TRIM24: variants seen among roughly 807,000 people sequenced by gnomAD.
The protein encoded by TRIM24 is transcription intermediary factor 1-alpha.
Under a neutral mutation model 123.9 loss-of-function variants are expected in TRIM24, and 29 were observed. That is an observed-to-expected ratio of 0.23 (90% CI 0.17 to 0.32). The LOEUF (loss-of-function observed/expected upper bound fraction) is 0.32. Ranked by LOEUF, TRIM24 falls within the 10% of genes least tolerant of loss-of-function variation. TRIM24 has a pLI of 1.00. For missense variants in TRIM24, 932 were observed against 1,295.3 expected (o/e 0.72, Z 4.31); for synonymous variants, 456 against 461.1 (o/e 0.99, Z 0.14).
intron 2 of TRIM24, chr7:138,514,498 CT>C (rs373398162): frequency 7.9e-5 from 12 of 152,314 alleles, no homozygotes; most frequent in African/African-American, 2.9e-4. Flanking sequence ...TCATACTTAC[CT>C]TCGTTCAGTT....
chr7:138,515,444 T>G, intron 3 of TRIM24, 85 bp downstream of exon 3: 1 of 1,466,876 alleles, frequency 6.8e-7, no homozygotes, highest in Non-Finnish European at 9.3e-7. Context: ...TTGACACATT[T>G]GTTTTGATAA....
chr7:138,483,108 G>A (rs1795565880), intron 1 of TRIM24, among the ~76,000 whole-genome samples: 1 of 151,344 alleles, frequency 6.6e-6, no homozygotes, highest in Non-Finnish European at 1.5e-5. Flanking sequence ...TTGTAGCGGG[G>A]GGGGTCTCAC....
intron 11 of TRIM24, among the ~76,000 whole-genome samples, chr7:138,572,794 T>G (rs994435369): frequency 6.6e-6 from 1 of 152,200 alleles, no homozygotes; most frequent in African/African-American, 2.4e-5. Flanking sequence ...ATGAAAGAAT[T>G]TTTGTGTCTA....
chr7:138,509,790 C>G (rs897034566), intron 2 of TRIM24, among the ~76,000 whole-genome samples: 1 of 150,616 alleles, frequency 6.6e-6, no homozygotes, highest in Non-Finnish European at 1.5e-5. Context: ...AAATACAATT[C>G]TTAAAGTATC....
chr7:138,538,133 C>A (rs140638670), intron 6 of TRIM24, among the ~76,000 whole-genome samples: 1 of 152,208 alleles, frequency 6.6e-6, no homozygotes, highest in African/African-American at 2.4e-5. Context: ...TCTCAATAGA[C>A]AAATAATATG....
At chr7:138,537,332 T>A (rs1796902895) in intron 6 of TRIM24, among the ~76,000 whole-genome samples, 1 of 150,740 alleles carries the variant, frequency 6.6e-6, no homozygotes, top group Non-Finnish European at 1.5e-5. Flanking sequence ...AGACTGGAGC[T>A]GTTCTTATTC....
chr7:138,474,614 A>G (rs1301920483), intron 1 of TRIM24, among the ~76,000 whole-genome samples: 3 of 152,194 alleles, frequency 2.0e-5, no homozygotes, highest in East Asian at 3.8e-4. Flanking sequence ...TCTATGATCC[A>G]TTTTGAGTTA....
chr7:138,505,098 T>A (rs1047862071), intron 2 of TRIM24, among the ~76,000 whole-genome samples: 2 of 152,172 alleles, frequency 1.3e-5, no homozygotes, highest in African/African-American at 2.4e-5. Context: ...CCTAAAATGC[T>A]GGAGATCTCT....
chr7:138,581,672 TCA>T (rs1255333074), intron 16 of TRIM24, 23 bp from the exon 17 acceptor site: 2 of 1,564,374 alleles, frequency 1.3e-6, no homozygotes, highest in African/African-American at 2.7e-5. Flanking sequence ...ATATTTTATC[TCA>T]GTTTTTATTT....
intron 14 of TRIM24, 134 bp downstream of exon 14, chr7:138,577,722 G>C: frequency 1.3e-6 from 1 of 752,648 alleles, no homozygotes; most frequent in Non-Finnish European, 1.9e-6. Context: ...GAATCTCTCA[G>C]TAAATTAAAC....
rs2116691338 is a variant in TRIM24 at position 138,580,555 on chromosome 7, C to T, written c.2586-7C>T. ...TAGGAATTCAAAAGTACATTGTCCCCTAACAGTGGAGAGTGGATTTGCACT... is the reference window on the plus strand; with the variant it reads ...TAGGAATTCAAAAGTACATTGTCCCTTAACAGTGGAGAGTGGATTTGCACT... On this transcript the variant is annotated splice_region_variant and splice_polypyrimidine_tract_variant and intron_variant, in intron 15 of 18. Coordinates refer to ENST00000343526, the MANE Select transcript of TRIM24 (RefSeq NM_015905.3). 1.2e-6 allele frequency: 2 copies of T among 1,608,198 alleles called. No homozygotes were observed. The highest frequency in any genetic ancestry group is 2.7e-5 in the African/African-American group (2 of 74,650).
intron 2 of TRIM24, among the ~76,000 whole-genome samples, chr7:138,512,016 C>T (rs185048021): frequency 2.8e-3 from 419 of 152,258 alleles, no homozygotes; most frequent in African/African-American, 9.7e-3. Context: ...ATGGAGAAAT[C>T]GGCCAAAAGA....
At chr7:138,502,605 A>G (rs934833296) in intron 1 of TRIM24, among the ~76,000 whole-genome samples, 1 of 152,202 alleles carries the variant, frequency 6.6e-6, no homozygotes, top group Non-Finnish European at 1.5e-5. Context: ...CGTAGCACCC[A>G]GTTTCCTCAT....
At chr7:138,555,929 A>G (rs1383784949) in intron 9 of TRIM24, among the ~76,000 whole-genome samples, 1 of 152,104 alleles carries the variant, frequency 6.6e-6, no homozygotes, top group Non-Finnish European at 1.5e-5. Context: ...CATCTTACAT[A>G]CCGTAGCACA....
At chr7:138,559,575 G>A (rs1020602104) in intron 9 of TRIM24, among the ~76,000 whole-genome samples, 6 of 152,134 alleles carry the variant, frequency 3.9e-5, no homozygotes, top group African/African-American at 1.4e-4. Context: ...CTAGAGCCGG[G>A]CTGTTGTCTC....
At chr7:138,538,297 CT>C (rs1282494196) in intron 6 of TRIM24, among the ~76,000 whole-genome samples, 1 of 152,154 alleles carries the variant, frequency 6.6e-6, no homozygotes, top group Admixed American at 6.5e-5. Flanking sequence ...GATAGAGTTA[CT>C]TTATAGGTTT....
chr7:138,577,740 C>A, intron 14 of TRIM24, 152 bp downstream of exon 14: 2 of 688,736 alleles, frequency 2.9e-6, no homozygotes, highest in Non-Finnish European at 2.1e-6. Flanking sequence ...AACAAAAAGA[C>A]AAAGATGGAA....
chr7:138,476,174 C>T (rs552004944), intron 1 of TRIM24, among the ~76,000 whole-genome samples: 2 of 152,188 alleles, frequency 1.3e-5, no homozygotes, highest in African/African-American at 4.8e-5. Context: ...CTATTGAGGA[C>T]CTAGATTAAC....
At chr7:138,560,107 G>A (rs202127044) in intron 9 of TRIM24, among the ~76,000 whole-genome samples, 12 of 152,172 alleles carry the variant, frequency 7.9e-5, no homozygotes, top group Non-Finnish European at 1.6e-4. Context: ...CTGACTCAGA[G>A]GAGGACCATG....
Sources: gnomAD v4.1 joint callset for allele counts (sites outside exome capture counted in the v4.1 genomes callset) on GRCh38, gnomAD v4.1.1 for gene constraint, MANE v1.5 for transcripts, NCBI Gene and HGNC (gene_info 2026-07-23, HGNC 2026-07-21) for gene names.